USP46: variants seen among roughly 807,000 people sequenced by gnomAD.
The protein encoded by USP46 is ubiquitin specific peptidase 46.
USP46 carries 12 observed loss-of-function variants against 44.4 expected under a neutral mutation model. The observed-to-expected ratio is 0.27, with a 90% CI of 0.17 to 0.44. The LOEUF (loss-of-function observed/expected upper bound fraction) is 0.44, where lower values mean the gene tolerates loss of function less well. USP46 is among the 20% of genes least tolerant of loss of function. USP46 has a pLI of 1.00. For synonymous variants in USP46, 155 were observed against 161.5 expected, an observed-to-expected ratio of 0.96 and a Z score of 0.31; for missense variants, 248 against 444.8, an observed-to-expected ratio of 0.56 and a Z score of 3.98.
chr4:52,621,471 C>T (rs1170848750), intron 4 of USP46, among the ~76,000 whole-genome samples: 1 of 152,086 alleles, frequency 6.6e-6, no homozygotes, highest in Non-Finnish European at 1.5e-5. Context: ...GCCTGACCAA[C>T]TTGGTAAAAC....
chr4:52,616,101 T>C (rs1024202536), intron 4 of USP46, among the ~76,000 whole-genome samples: 2 of 152,212 alleles, frequency 1.3e-5, no homozygotes, highest in South Asian at 2.1e-4. Flanking sequence ...CTGCCAAATA[T>C]TCTTTTCAAC....
intron 4 of USP46, among the ~76,000 whole-genome samples, chr4:52,617,967 A>T (rs975348477): frequency 1.3e-5 from 2 of 152,264 alleles, no homozygotes; most frequent in African/African-American, 4.8e-5. Flanking sequence ...GTTTAAAAGC[A>T]TAAAGAGACC....
chr4:52,637,974 G>A (rs1718179523), intron 1 of USP46, among the ~76,000 whole-genome samples: 1 of 152,068 alleles, frequency 6.6e-6, no homozygotes, highest in African/African-American at 2.4e-5. Context: ...TCAGCTCCCA[G>A]GAGAATTCTA....
At chr4:52,658,242 G>A in intron 1 of USP46, 1 of 456,148 alleles carries the variant, frequency 2.2e-6, no homozygotes, top group South Asian at 1.5e-5. Flanking sequence ...GGAGGCGCCA[G>A]CAGGGTCCAG....
At chr4:52,629,612 C>T (rs753951541) in intron 2 of USP46, 30 of 455,798 alleles carry the variant, frequency 6.6e-5, no homozygotes, top group South Asian at 4.6e-4. Context: ...TCCATTTTTT[C>T]CTCTCTTACT....
At chr4:52,607,354 G>A (rs1485841547) in intron 5 of USP46, among the ~76,000 whole-genome samples, 1 of 152,152 alleles carries the variant, frequency 6.6e-6, no homozygotes, top group Non-Finnish European at 1.5e-5. Flanking sequence ...TTCTATACCT[G>A]TTGGAACAAA....
At position 52,631,161 on chromosome 4, in the gene USP46, G is replaced by A; in HGVS notation, c.37-17C>T. On this transcript the variant is annotated splice_polypyrimidine_tract_variant and intron_variant, in intron 1 of 8. Coordinates refer to ENST00000441222, the MANE Select transcript of USP46 (RefSeq NM_022832.4). ...ATTGGTGCCCTAAAAGAGAAAAATA[G>A]CAAAAGTTCTGTTGCATGTAAAATA... 1 of 1,545,580 alleles carries A rather than the reference G, an allele frequency of 6.5e-7. No individual in the cohort carries two copies. The highest frequency in any genetic ancestry group is 8.8e-7 in the Non-Finnish European group (1 of 1,142,666).
intron 1 of USP46, among the ~76,000 whole-genome samples, chr4:52,645,883 T>C (rs1012537923): frequency 3.3e-5 from 5 of 152,008 alleles, no homozygotes; most frequent in African/African-American, 1.2e-4. Flanking sequence ...CAAGATCGGG[T>C]TGTTTGAAAG....
Position 52,633,003 on chromosome 4 carries a change from AAAGAAAG to A in USP46, c.37-1866_37-1860del, listed in dbSNP as rs1560406349. On this transcript the variant is annotated intron_variant, in intron 1 of 8. Transcript: ENST00000441222. ...AAGAAAGAAAAGAAAAGAAAGAAAG[AAAGAAAG>A]AAAGAAAGAAAGAAAGAAAAAGAAA... is the stretch of plus-strand genomic sequence containing the variant. Among the ~76,000 whole-genome samples the A allele has an allele frequency of 6.7e-3, 815 of 121,792 alleles. 32 individuals are homozygous for A. Among genetic ancestry groups the A allele is most frequent in the African/African-American group, 0.012 (321 of 26,670 alleles). The allele number at this position is 121,792 out of a possible 152,430, so 79.9% of individuals were successfully genotyped here.
intron 2 of USP46, among the ~76,000 whole-genome samples, chr4:52,630,029 G>C (rs1420037569): frequency 6.6e-6 from 1 of 152,202 alleles, no homozygotes; most frequent in South Asian, 2.1e-4. Flanking sequence ...GGCATTGACA[G>C]ACTACGTTCA....
At chr4:52,600,237 A>G (rs1467655419) in intron 7 of USP46, among the ~76,000 whole-genome samples, 1 of 152,104 alleles carries the variant, frequency 6.6e-6, no homozygotes, top group Non-Finnish European at 1.5e-5. Flanking sequence ...AATCCAGAAT[A>G]TATGAGCTTA....
chr4:52,594,704 C>T lies in USP46; in HGVS notation c.*2936G>A, dbSNP rs1436085064. The T allele has an allele frequency of 6.6e-6, 1 of 152,130 alleles. No individual in the cohort carries two copies. The highest frequency in any genetic ancestry group is 1.5e-5 in the Non-Finnish European group (1 of 68,030). The allele number at this position is 152,130 out of a possible 1,614,324, so 9.4% of individuals were successfully genotyped here. On this transcript the variant is annotated 3_prime_UTR_variant, in exon 9 of 9. Coordinates refer to ENST00000441222, the MANE Select transcript of USP46 (RefSeq NM_022832.4). ...AGAACATAGATCATTATTAGGCATGCCCATGAAATTAAGGGTATCCATGAA... is the reference window on the plus strand; with the variant it reads ...AGAACATAGATCATTATTAGGCATGTCCATGAAATTAAGGGTATCCATGAA...
At chr4:52,614,938 T>C (rs988565461) in intron 4 of USP46, among the ~76,000 whole-genome samples, 3 of 152,142 alleles carry the variant, frequency 2.0e-5, no homozygotes, top group Non-Finnish European at 2.9e-5. Flanking sequence ...AGTATCATTA[T>C]TATGTGTAAG....
Position 52,597,542 on chromosome 4 carries a change from A to G in USP46, c.*98T>C. ...GACCATTGAGACTCGGAGTGATACCATTAGTGGGCCACTGGGGAAGAGGAA... is the reference window on the plus strand; with the variant it reads ...GACCATTGAGACTCGGAGTGATACCGTTAGTGGGCCACTGGGGAAGAGGAA... On this transcript the variant is annotated 3_prime_UTR_variant, in exon 9 of 9. Coordinates refer to ENST00000441222, the MANE Select transcript of USP46 (RefSeq NM_022832.4). The G allele has an allele frequency of 2.6e-6, 2 of 776,386 alleles. No individual in the cohort carries two copies. The highest frequency in any genetic ancestry group is 4.3e-6 in the Non-Finnish European group (2 of 460,298). 48.1% of individuals were successfully genotyped at this position (776,386 alleles called of 1,614,324 possible).
intron 4 of USP46, among the ~76,000 whole-genome samples, chr4:52,616,554 G>A (rs780104123): frequency 2.0e-5 from 3 of 152,050 alleles, no homozygotes; most frequent in South Asian, 2.1e-4. Context: ...TGTATTTTTC[G>A]TAGAGACAGG....
At chr4:52,629,266 C>T (rs1331910737) in intron 2 of USP46, among the ~76,000 whole-genome samples, 1 of 152,146 alleles carries the variant, frequency 6.6e-6, no homozygotes, top group Non-Finnish European at 1.5e-5. Context: ...TACTTTGACA[C>T]AATTATGTAA....
Position 52,591,911 on chromosome 4 carries a change from T to C in USP46, c.*5729A>G, listed in dbSNP as rs1716032650. ...TTTCATGATACTGGCTCTTTTAACA[T>C]GAGAAGAGGCAAAACGTGAAGTTCA... On this transcript the variant is annotated 3_prime_UTR_variant, in exon 9 of 9. Transcript: ENST00000441222. 6.6e-6 allele frequency: 1 copy of C among 152,210 alleles called. No individual in the cohort carries two copies. The highest frequency in any genetic ancestry group is 6.5e-5 in the Admixed American group (1 of 15,278). 9.4% of individuals were successfully genotyped at this position (152,210 alleles called of 1,614,324 possible). A position where few individuals can be genotyped will look rare whatever the true frequency, so the allele number is the denominator to read the frequency against.
chr4:52,612,418 C>T (rs1466484551), intron 4 of USP46, among the ~76,000 whole-genome samples: 1 of 152,194 alleles, frequency 6.6e-6, no homozygotes, highest in African/African-American at 2.4e-5. Context: ...TATGGCTTCA[C>T]AGATACTCTC....
At chr4:52,639,505 A>G (rs556716764) in intron 1 of USP46, among the ~76,000 whole-genome samples, 1 of 152,166 alleles carries the variant, frequency 6.6e-6, no homozygotes, top group Admixed American at 6.5e-5. Flanking sequence ...GCCAGGGGGA[A>G]GCAGAAAAAA....
Sources: allele counts gnomAD v4.1 joint callset (sites outside exome capture counted in the v4.1 genomes callset), GRCh38; gene constraint gnomAD v4.1.1; transcripts MANE v1.5; gene names NCBI Gene and HGNC (gene_info 2026-07-23, HGNC 2026-07-21).